Variants in GTPBP6 observed in about 807,000 individuals in gnomAD.
GTPBP6 encodes GTP binding protein 6.
GTPBP6 carries 33 observed loss-of-function variants against 28.9 expected under a neutral mutation model. That is an observed-to-expected ratio of 1.14 (90% CI 0.87 to 1.53). The LOEUF (loss-of-function observed/expected upper bound fraction) is 1.53, where lower values mean the gene tolerates loss of function less well. Among genes scored for constraint, GTPBP6 ranks in the 40% most tolerant of loss-of-function variants. The pLI is 0.00. For synonymous variants in GTPBP6, 231 were observed against 192.7 expected (o/e 1.20, Z -1.65); for missense variants, 507 against 408.3 (o/e 1.24, Z -2.08).
At chrX:314,418 G>A (rs762307452) in intron 4 of GTPBP6, among the ~76,000 whole-genome samples, 12 of 152,256 alleles carry the variant, frequency 7.9e-5, no homozygotes, top group East Asian at 3.9e-4. Context: ...GTGGGGAGCC[G>A]GGGGCAGGCA....
chrX:305,918 C>G (rs1027697255), intron 9 of GTPBP6, among the ~76,000 whole-genome samples: 4 of 152,150 alleles, frequency 2.6e-5, no homozygotes, highest in African/African-American at 9.7e-5. Context: ...GCCACCCCAC[C>G]TGGGGTGGTA....
intron 7 of GTPBP6, among the ~76,000 whole-genome samples, chrX:311,196 T>TCCGAAGGCCCTGCCCCTGGG (rs1556031600): frequency 6.8e-6 from 1 of 146,836 alleles, no homozygotes; most frequent in Admixed American, 6.8e-5. Context: ...TGGGTGGGTG[T>TCCGAAGGCCCTGCCCCTGGG]CTGAGGGCCC....
chrX:314,691 T>G (rs1269605000), intron 4 of GTPBP6, among the ~76,000 whole-genome samples, 199 bp downstream of exon 4: 1 of 151,902 alleles, frequency 6.6e-6, no homozygotes, highest in African/African-American at 2.4e-5. Flanking sequence ...TTGGCCAGGA[T>G]GGTCTCGATC....
At chrX:307,222 A>C in intron 9 of GTPBP6, 138 bp downstream of exon 9, 2 of 732,688 alleles carry the variant, frequency 2.7e-6, no homozygotes, top group Non-Finnish European at 4.4e-6. Flanking sequence ...ATTTGATGCA[A>C]ACCCATTCAT....
At chrX:316,526 C>T (rs2070443788) in intron 2 of GTPBP6, among the ~76,000 whole-genome samples, 1 of 152,168 alleles carries the variant, frequency 6.6e-6, no homozygotes, top group Non-Finnish European at 1.5e-5. Context: ...CTGGGAAGCG[C>T]AAGGATCGCA....
rs2070402228 is a variant in GTPBP6, at chrX:314,959, A to ATG, written c.618_619dup (p.Ile207ThrfsTer28). On this transcript the variant is annotated frameshift_variant, in exon 4 of 10. Coordinates refer to ENST00000326153, the Ensembl canonical transcript of GTPBP6. LOFTEE classifies it high-confidence loss of function. ...CTTCGTGCGGGCGTTACAGCGGAAG[A>ATG]TGTGCAGGACGACCGTGAAGCGGTC... The ATG allele has an allele frequency of 5.0e-6, 2 of 398,726 alleles. No homozygotes were observed. Among genetic ancestry groups the ATG allele is most frequent in the Admixed American group, 8.8e-5 (2 of 22,746 alleles). The allele number at this position is 398,726 out of a possible 1,614,324, so 24.7% of individuals were successfully genotyped here. A position where few individuals can be genotyped will look rare whatever the true frequency, so the allele number is the denominator to read the frequency against.
chrX:314,727 C>T (rs1432496547), intron 4 of GTPBP6, among the ~76,000 whole-genome samples, 163 bp downstream of exon 4: 7 of 151,980 alleles, frequency 4.6e-5, no homozygotes, highest in African/African-American at 1.2e-4. Flanking sequence ...CCGCCCACCT[C>T]GGCCTCCCAA....
intron 8 of GTPBP6, 38 bp from the exon 9 acceptor site, chrX:307,550 C>T (rs376922446): frequency 1.5e-5 from 24 of 1,601,046 alleles, no homozygotes; most frequent in East Asian, 2.2e-5. Flanking sequence ...CGCTCAGCGT[C>T]GGGGCGGCCG....
At chrX:318,763 G>T in exon 1 of GTPBP6, 1 of 312,380 alleles carries the variant, frequency 3.2e-6, no homozygotes, top group Non-Finnish European at 5.9e-6. Context: ...AGCCCCGGGC[G>T]TACGGCGGCC....
chrX:317,215 G>C (rs2070454649), intron 1 of GTPBP6, among the ~76,000 whole-genome samples, 164 bp from the exon 2 acceptor site: 1 of 152,162 alleles, frequency 6.6e-6, no homozygotes, highest in Non-Finnish European at 1.5e-5. Context: ...GGGCCTCTAA[G>C]TAGGAATCTG....
rs2070310837 is a variant in GTPBP6 at position 311,995 on chromosome X, A to T, written c.917-368T>A. On this transcript the variant is annotated intron_variant, in intron 6 of 9. Coordinates refer to ENST00000326153, the Ensembl canonical transcript of GTPBP6. The stretch of plus-strand genomic sequence containing the variant: ...GTGGATGGGAGGATGGTGTAGACAC[A>T]GGGGAGGTGATGGTGTAGATGGGTG... The T allele has an allele frequency of 5.7e-6, 3 of 526,288 alleles. No individual in the cohort carries two copies. The East Asian group carries it at 1.1e-4, about 19-fold the overall frequency. The allele number at this position is 526,288 out of a possible 1,614,324, so 32.6% of individuals were successfully genotyped here. A position where few individuals can be genotyped will look rare whatever the true frequency, so the allele number is the denominator to read the frequency against.
At chrX:317,975 T>C (rs2070471931) in intron 1 of GTPBP6, among the ~76,000 whole-genome samples, 2 of 102,394 alleles carry the variant, frequency 2.0e-5, no homozygotes, top group East Asian at 3.2e-4. Flanking sequence ...CCATAAGCTC[T>C]TCCCCTCAGA....
intron 7 of GTPBP6, among the ~76,000 whole-genome samples, 174 bp downstream of exon 7, chrX:311,244 CG>C (rs2070283773): frequency 3.6e-5 from 4 of 111,310 alleles, no homozygotes; most frequent in South Asian, 3.4e-4. Flanking sequence ...GCCTGGTCCC[CG>C]TGCCCAGTGG....
At chrX:308,698 A>G (rs1171172460) in intron 7 of GTPBP6, among the ~76,000 whole-genome samples, 3 of 151,684 alleles carry the variant, frequency 2.0e-5, no homozygotes, top group Non-Finnish European at 4.4e-5. Context: ...AAAAGTAAAA[A>G]CAAAAAAAAT....
chrX:306,605 T>C (rs1049552706), intron 9 of GTPBP6, among the ~76,000 whole-genome samples: 3 of 151,600 alleles, frequency 2.0e-5, no homozygotes, highest in African/African-American at 7.3e-5. Flanking sequence ...AGGCACCTGT[T>C]GTATGCAGTC....
At chrX:309,244 G>C (rs2070235727) in intron 7 of GTPBP6, among the ~76,000 whole-genome samples, 2 of 152,166 alleles carry the variant, frequency 1.3e-5, no homozygotes, top group South Asian at 4.1e-4. Flanking sequence ...CATGCACTTG[G>C]AAAGTCTACG....
chrX:316,750 G>A (rs2070447438), intron 2 of GTPBP6, among the ~76,000 whole-genome samples, 164 bp downstream of exon 2: 2 of 152,048 alleles, frequency 1.3e-5, no homozygotes, highest in Non-Finnish European at 2.9e-5. Flanking sequence ...ACCGTCCTCC[G>A]ACTCCTACTG....
At chrX:318,502 G>C in exon 1 of GTPBP6, 2 of 398,470 alleles carry the variant, frequency 5.0e-6, no homozygotes, top group Non-Finnish European at 8.9e-6. Context: ...CACACGCGCT[G>C]GGTCCCCGCC....
rs898046995 is a variant in GTPBP6 at position 305,906 on chromosome X, G to A, written c.1428-709C>T. The stretch of plus-strand genomic sequence containing the variant: ...CCCAACGTGTTGGGATTACAGGTGT[G>A]AGCCACCCCACCTGGGGTGGTAACT... On this transcript the variant is annotated intron_variant, in intron 9 of 9. Coordinates refer to ENST00000326153, the Ensembl canonical transcript of GTPBP6. Among the ~76,000 whole-genome samples the A allele has an allele frequency of 5.3e-5, 8 of 152,116 alleles. No homozygotes were observed. The East Asian group carries it at 5.8e-4, about 11-fold the overall frequency.
Sources: allele counts gnomAD v4.1 joint callset (sites outside exome capture counted in the v4.1 genomes callset), GRCh38; gene constraint gnomAD v4.1.1; transcripts MANE v1.5; gene names NCBI Gene and HGNC (gene_info 2026-07-23, HGNC 2026-07-21).